The following WWOX variants were observed in gnomAD, a reference collection of about 807,000 sequenced individuals.
WWOX encodes the protein WW domain-containing oxidoreductase.
A neutral mutation model predicts 46.2 loss-of-function variants in WWOX; 69 were observed. The ratio of observed to expected loss-of-function variants is 1.49; its 90% CI spans 1.23 to 1.82. The LOEUF is 1.82. WWOX is among the 40% of genes most tolerant of loss of function. The pLI is 0.00. For missense variants in WWOX, 919 were observed against 542.6 expected (o/e 1.69, Z -6.89); for synonymous variants, 359 against 202.6 (o/e 1.77, Z -6.56).
chr16:78,289,363 A>C (rs1223500659), intron 5 of WWOX, among the ~76,000 whole-genome samples: 2 of 152,192 alleles, frequency 1.3e-5, no homozygotes, highest in Non-Finnish European at 2.9e-5. Flanking sequence ...GTAGAGCTCG[A>C]ATAGTCTAAG....
intron 8 of WWOX, among the ~76,000 whole-genome samples, chr16:78,493,860 A>T (rs2084846246): frequency 6.6e-6 from 1 of 152,226 alleles, no homozygotes; most frequent in African/African-American, 2.4e-5. Flanking sequence ...GATCATCGTC[A>T]ATTTTCTTTC....
intron 8 of WWOX, among the ~76,000 whole-genome samples, chr16:79,154,696 T>C (rs1470971001): frequency 6.6e-6 from 1 of 152,208 alleles, no homozygotes; most frequent in East Asian, 1.9e-4. Context: ...GGTAAACTGT[T>C]AATCACTTTC....
At position 78,676,194 on chromosome 16, in the gene WWOX, C is replaced by A. The variant is rs2047595230; in HGVS notation, c.1056+243442C>A. ...CTTCTCTATAGCTTGCTGTCTTGTTCTATTTGGATATAAAGCTACCATCAA... is the reference window on the plus strand; with the variant it reads ...CTTCTCTATAGCTTGCTGTCTTGTTATATTTGGATATAAAGCTACCATCAA... On this transcript the variant is annotated intron_variant, in intron 8 of 8. Transcript: ENST00000566780. Among the ~76,000 whole-genome samples, 4 of 151,776 alleles carry A rather than the reference C, an allele frequency of 2.6e-5. No homozygotes were observed. In the South Asian group the frequency reaches 8.3e-4, roughly 32 times the overall value.
intron 8 of WWOX, among the ~76,000 whole-genome samples, chr16:78,692,890 G>A (rs143376513): frequency 2.0e-4 from 30 of 152,282 alleles, no homozygotes; most frequent in African/African-American, 7.0e-4. Flanking sequence ...AAACAAACAT[G>A]AATATTCTGT....
intron 8 of WWOX, chr16:79,206,833 G>C (rs567110011): frequency 6.6e-6 from 1 of 152,192 alleles, no homozygotes; most frequent in South Asian, 2.1e-4. Flanking sequence ...CCTCATTCCT[G>C]TATAGGCTGC....
At chr16:78,401,507 G>C (rs760466757) in intron 6 of WWOX, among the ~76,000 whole-genome samples, 5 of 152,204 alleles carry the variant, frequency 3.3e-5, no homozygotes, top group Admixed American at 2.0e-4. Context: ...CTTGTAACCT[G>C]TATCCTGTCT....
At chr16:78,560,245 A>T (rs1325619356) in intron 8 of WWOX, among the ~76,000 whole-genome samples, 1 of 152,228 alleles carries the variant, frequency 6.6e-6, no homozygotes, top group Non-Finnish European at 1.5e-5. Flanking sequence ...TTTGGATCTG[A>T]AATCTTTCTT....
At chr16:78,135,907 A>G (rs1286890790) in intron 4 of WWOX, among the ~76,000 whole-genome samples, 13 of 152,168 alleles carry the variant, frequency 8.5e-5, no homozygotes, top group Admixed American at 8.5e-4. Context: ...TTCAGCATGC[A>G]AATGTGGGTG....
At chr16:78,603,934 G>A (rs1597334576) in intron 8 of WWOX, among the ~76,000 whole-genome samples, 2 of 152,010 alleles carry the variant, frequency 1.3e-5, no homozygotes, top group East Asian at 3.9e-4. Context: ...TTGAGCCTAG[G>A]AGTTCAAGAT....
chr16:78,685,260 C>G (rs1384731842), intron 8 of WWOX, among the ~76,000 whole-genome samples: 1 of 152,126 alleles, frequency 6.6e-6, no homozygotes, highest in Non-Finnish European at 1.5e-5. Context: ...TTGGTTTGGT[C>G]TTGTTTCTAA....
chr16:78,103,784 C>T (rs751064210), intron 1 of WWOX, among the ~76,000 whole-genome samples: 27 of 152,080 alleles, frequency 1.8e-4, no homozygotes, highest in Non-Finnish European at 3.5e-4. Context: ...TGTAGCAGGG[C>T]CATGGCCAGG....
intron 8 of WWOX, among the ~76,000 whole-genome samples, chr16:79,178,508 G>T (rs2050846778): frequency 6.6e-6 from 1 of 152,036 alleles, no homozygotes; most frequent in Non-Finnish European, 1.5e-5. Flanking sequence ...GTAGAGACAA[G>T]GTCTCACTGT....
intron 8 of WWOX, among the ~76,000 whole-genome samples, chr16:78,766,640 C>G (rs1052544183): frequency 1.3e-5 from 2 of 152,080 alleles, no homozygotes; most frequent in African/African-American, 2.4e-5. Flanking sequence ...TTAGCTCTCT[C>G]CAAAGTTTTT....
At chr16:78,303,557 T>A (rs528752445) in intron 5 of WWOX, among the ~76,000 whole-genome samples, 3 of 152,344 alleles carry the variant, frequency 2.0e-5, no homozygotes, top group Middle Eastern at 3.4e-3. Flanking sequence ...GTTTTTTGTT[T>A]TTTTGAGATG....
intron 8 of WWOX, among the ~76,000 whole-genome samples, chr16:78,436,032 A>T (rs147882172): frequency 6.6e-6 from 1 of 152,302 alleles, no homozygotes; most frequent in African/African-American, 2.4e-5. Context: ...ATTCGAACTG[A>T]AAAACACCAC....
intron 8 of WWOX, among the ~76,000 whole-genome samples, chr16:78,907,110 A>C (rs1272186350): frequency 6.6e-6 from 1 of 152,136 alleles, no homozygotes; most frequent in Non-Finnish European, 1.5e-5. Flanking sequence ...CTTTCCTGAA[A>C]ATTCAGAGAC....
chr16:78,931,717 C>T (rs985324778), intron 8 of WWOX, among the ~76,000 whole-genome samples: 1 of 152,192 alleles, frequency 6.6e-6, no homozygotes, highest in Non-Finnish European at 1.5e-5. Flanking sequence ...CAACTGTTCA[C>T]AGAGGACAAG....
intron 5 of WWOX, among the ~76,000 whole-genome samples, chr16:78,239,251 G>A (rs2037545214): frequency 6.6e-6 from 1 of 152,174 alleles, no homozygotes; most frequent in South Asian, 2.1e-4. Flanking sequence ...CTGAGTCTAA[G>A]CTGTTGACCA....
In WWOX at chr16:78,778,305, G is replaced by A. The variant is rs73573798; in HGVS notation, c.1056+345553G>A. 9.9e-5 allele frequency among the ~76,000 whole-genome samples: 15 copies of A among 152,224 alleles called. No individual in the cohort carries two copies. The East Asian group carries it at 1.9e-3, about 20-fold the overall frequency. On this transcript the variant is annotated intron_variant, in intron 8 of 8. Transcript: ENST00000566780. ...GGTGATTGGTAACCACTGATACGCCGCCAGCAGTCCACGCTTGGGTGGAAG... is the reference window on the plus strand; with the variant it reads ...GGTGATTGGTAACCACTGATACGCCACCAGCAGTCCACGCTTGGGTGGAAG...
Sources: gnomAD v4.1 joint callset for allele counts (sites outside exome capture counted in the v4.1 genomes callset) on GRCh38, gnomAD v4.1.1 for gene constraint, MANE v1.5 for transcripts, NCBI Gene and HGNC (gene_info 2026-07-23, HGNC 2026-07-21) for gene names.